MTFR1L: variants seen among roughly 807,000 people sequenced by gnomAD.
MTFR1L encodes the protein mitochondrial fission regulator 1 like.
Under a neutral mutation model 27.9 loss-of-function variants are expected in MTFR1L, and 10 were observed. The ratio of observed to expected loss-of-function variants is 0.36; its 90% CI spans 0.22 to 0.61. The LOEUF is 0.61. Among genes scored for constraint, MTFR1L ranks in the 20% least tolerant of loss-of-function variants. The pLI is 0.73. For missense variants in MTFR1L, 315 were observed against 363.7 expected, an observed-to-expected ratio of 0.87 and a Z score of 1.09; for synonymous variants, 151 against 139.4, an observed-to-expected ratio of 1.08 and a Z score of -0.58.
intron 6 of MTFR1L, among the ~76,000 whole-genome samples, chr1:25,831,373 A>G (rs2048237979): frequency 6.6e-6 from 1 of 152,196 alleles, no homozygotes; most frequent in Non-Finnish European, 1.5e-5. Context: ...TTTTGTTCCC[A>G]TGAGTTTCTT....
At position 25,819,973 on chromosome 1, in the gene MTFR1L, G is replaced by C; in HGVS notation, c.-143G>C. ...GAAGTGAGGGCGGTTGAGGCTGGGC[G>C]GCCCAAGGTGGAAGGAGGGGCCGTG... On this transcript the variant is annotated 5_prime_UTR_variant, in exon 1 of 7. Coordinates refer to ENST00000374303, the MANE Select transcript of MTFR1L (RefSeq NM_001099625.2). 2 of 317,822 alleles carry C rather than the reference G, an allele frequency of 6.3e-6. No individual in the cohort carries two copies. Among genetic ancestry groups the C allele is most frequent in the Non-Finnish European group, 6.0e-6 (1 of 165,668 alleles). 19.7% of individuals were successfully genotyped at this position (317,822 alleles called of 1,614,324 possible).
intron 1 of MTFR1L, chr1:25,821,987 GTGAA>G (rs1262047118): frequency 2.6e-5 from 4 of 152,278 alleles, no homozygotes; most frequent in Non-Finnish European, 5.9e-5. Context: ...TGATGAACAA[GTGAA>G]TGAACGAGCA....
Position 25,832,099 on chromosome 1 carries a change from G to C in MTFR1L, c.*73G>C, listed in dbSNP as rs751310706. On this transcript the variant is annotated 3_prime_UTR_variant, in exon 7 of 7. Coordinates refer to ENST00000374303, the MANE Select transcript of MTFR1L (RefSeq NM_001099625.2). The stretch of plus-strand genomic sequence containing the variant: ...AATAGCTGCCTTCCTCACCGCAGAT[G>C]TTTCTGCCTCTTAAGGATAGATCTT... 1 of 1,611,004 alleles carries C rather than the reference G, an allele frequency of 6.2e-7. No individual in the cohort carries two copies. Among genetic ancestry groups the C allele is most frequent in the Middle Eastern group, 1.7e-4 (1 of 6,058 alleles).
chr1:25,823,787 C>G, intron 3 of MTFR1L, 39 bp downstream of exon 3: 1 of 1,607,194 alleles, frequency 6.2e-7, no homozygotes, highest in Non-Finnish European at 8.5e-7. Flanking sequence ...GAGGCTCAGA[C>G]AGTGCTGCTT....
In MTFR1L at chr1:25,832,691, G is replaced by T. The variant is rs559401656; in HGVS notation, c.*665G>T. On this transcript the variant is annotated 3_prime_UTR_variant, in exon 7 of 7. Transcript: ENST00000374303. The stretch of plus-strand genomic sequence containing the variant: ...CCTCCACGGCCCTGAGGCCTTATCA[G>T]TTCCACTGATTAAAAACTTTCTCTT... The T allele has an allele frequency of 6.4e-6, 1 of 156,816 alleles. No individual in the cohort carries two copies. The highest frequency in any genetic ancestry group is 2.4e-5 in the African/African-American group (1 of 41,430). The allele number at this position is 156,816 out of a possible 1,614,324, so 9.7% of individuals were successfully genotyped here. A position where few individuals can be genotyped will look rare whatever the true frequency, so the allele number is the denominator to read the frequency against.
intron 2 of MTFR1L, 130 bp downstream of exon 2, chr1:25,823,258 G>A (rs1374597313): frequency 1.0e-6 from 1 of 979,156 alleles, no homozygotes; most frequent in Non-Finnish European, 1.6e-6. Flanking sequence ...TTGGAGCAAG[G>A]CCACCGTTTC....
In MTFR1L at chr1:25,826,081, T is replaced by C; in HGVS notation, c.130-221T>C. The stretch of plus-strand genomic sequence containing the variant: ...AACTCTTGGTCTCAAGCATTCTGCC[T>C]GCCTCGGCCTCCCAAATGCTGGGAT... On this transcript the variant is annotated intron_variant, in intron 3 of 6. Transcript: ENST00000374303. This position sits in a 1 kb window ranked among gnomAD's most constrained non-coding sequence, Gnocchi z 4.1. The C allele has an allele frequency of 2.0e-6, 1 of 494,330 alleles. No individual in the cohort carries two copies. The highest frequency in any genetic ancestry group is 3.7e-6 in the Non-Finnish European group (1 of 272,846). 30.6% of individuals were successfully genotyped at this position (494,330 alleles called of 1,614,324 possible).
chr1:25,829,729 G>A lies in MTFR1L; in HGVS notation c.672G>A (p.Ser224=), dbSNP rs370176659. 63 of 1,613,862 alleles carry A rather than the reference G, an allele frequency of 3.9e-5. No individual in the cohort carries two copies. The highest frequency in any genetic ancestry group is 3.9e-4 in the African/African-American group (29 of 75,030). ...CAGAACACAAAGCTGCCTGCAGTTC[G>A]TCTGAAGAGGATGACTGCGTCTCTT... is the stretch of plus-strand genomic sequence containing the variant. ...CKPEHKAACS[S]SEEDDCVSLS... The change falls in exon 6 of 7, where the codon TCG becomes TCA. Residue 224 remains serine, a synonymous_variant. Transcript: ENST00000374303.
At chr1:25,821,806 C>T (rs1054235779) in intron 1 of MTFR1L, 9 of 152,318 alleles carry the variant, frequency 5.9e-5, no homozygotes, top group Non-Finnish European at 1.3e-4. Context: ...AGAGCTCTGA[C>T]CTCATCTGGC....
At chr1:25,823,183 G>A (rs1380948854) in intron 2 of MTFR1L, 55 bp downstream of exon 2, 2 of 1,529,364 alleles carry the variant, frequency 1.3e-6, no homozygotes, top group East Asian at 2.2e-5. Context: ...TGCTGGGCCT[G>A]CTGAAGTACT....
At chr1:25,825,698 C>G (rs1473961724) in intron 3 of MTFR1L, 11 of 152,210 alleles carry the variant, frequency 7.2e-5, no homozygotes, top group Admixed American at 7.2e-4. Flanking sequence ...ATTGCTGTAA[C>G]AGGTTGTGGA....
At chr1:25,820,242 C>G (rs770279458) in intron 1 of MTFR1L, 1 of 455,720 alleles carries the variant, frequency 2.2e-6, no homozygotes, top group South Asian at 1.5e-5. Context: ...AAACAGTGAC[C>G]AAGCCAGACC....
intron 2 of MTFR1L, chr1:25,823,351 G>A (rs1382337876): frequency 1.4e-5 from 10 of 721,152 alleles, no homozygotes; most frequent in East Asian, 1.1e-4. Context: ...TACAGAGGAC[G>A]GGAAGGAAAG....
intron 6 of MTFR1L, among the ~76,000 whole-genome samples, chr1:25,831,390 A>C (rs1259064996): frequency 6.6e-6 from 1 of 152,116 alleles, no homozygotes; most frequent in Non-Finnish European, 1.5e-5. Context: ...TCTTATGTGA[A>C]TGTTTTGCTC....
In MTFR1L at chr1:25,829,658, C is replaced by CCAT; in HGVS notation, c.604_606dup (p.Ser202dup). On this transcript the variant is annotated inframe_insertion, in exon 6 of 7. Transcript: ENST00000374303. Reference sequence around the variant, plus strand: ...GACAGAGGTGGAGGTCCCTGAGCTTCCATCAGTCCCCCTGCTTTGTTCTGC... The same window carrying CCAT: ...GACAGAGGTGGAGGTCCCTGAGCTTCCATCATCAGTCCCCCTGCTTTGTTCTGC... 6.2e-7 allele frequency: 1 copy of CCAT among 1,614,220 alleles called. No homozygotes were observed. The highest frequency in any genetic ancestry group is 2.2e-5 in the East Asian group (1 of 44,890).
At chr1:25,830,941 T>C (rs1375053437) in intron 6 of MTFR1L, among the ~76,000 whole-genome samples, 1 of 152,184 alleles carries the variant, frequency 6.6e-6, no homozygotes, top group East Asian at 1.9e-4. Context: ...CCAAATTCAG[T>C]TGCTGCTGTT....
intron 1 of MTFR1L, chr1:25,820,957 A>C (rs2124467320): frequency 3.4e-6 from 1 of 297,140 alleles, no homozygotes; most frequent in South Asian, 2.7e-5. Context: ...AATGATGAAG[A>C]ATGAGCTCGG....
Position 25,826,631 on chromosome 1 carries a change from C to A in MTFR1L, c.256C>A (p.Leu86Met). The A allele has an allele frequency of 6.2e-7, 1 of 1,614,180 alleles. No homozygotes were observed. The change falls in exon 5 of 7, where the codon CTG becomes ATG. Residue 86 changes from leucine (L) to methionine (M), a missense_variant. Physicochemically the swap from Leu to Met is conservative, Grantham distance 15 (BLOSUM62 2). Transcript: ENST00000374303. The surrounding 1 kb of genome is among the most constrained non-coding windows in gnomAD (Gnocchi z 4.1). The stretch of plus-strand genomic sequence containing the variant: ...CTGGTCCAGGAGTGATACGCGCCCC[C>A]TGAGGCACACCTGGAAACCCAGCCC... ...YARVRSDTRPLRHTWKPSPLI... is the reference protein window; with the variant it reads ...YARVRSDTRPMRHTWKPSPLI...
intron 1 of MTFR1L, chr1:25,822,768 C>T (rs376628457): frequency 2.3e-5 from 12 of 511,668 alleles, no homozygotes; most frequent in African/African-American, 2.2e-4. Context: ...CCTCGTGATC[C>T]GCCCACCTCG....
Sources: gnomAD v4.1 joint callset for allele counts (sites outside exome capture counted in the v4.1 genomes callset) on GRCh38, gnomAD v4.1.1 for gene constraint, Gnocchi (gnomAD v3.1) non-coding constraint, MANE v1.5 for transcripts, NCBI Gene and HGNC (gene_info 2026-07-23, HGNC 2026-07-21) for gene names.